The following MYCBP2 variants were observed in gnomAD, a reference collection of about 807,000 sequenced individuals.
MYCBP2 encodes MYC binding protein 2.
A neutral mutation model predicts 525.3 loss-of-function variants in MYCBP2; 120 were observed. That is an observed-to-expected ratio of 0.23 (90% confidence interval 0.20 to 0.27). The LOEUF is 0.27. Ranked by LOEUF, MYCBP2 falls within the 10% of genes least tolerant of loss-of-function variation. MYCBP2 has a pLI of 1.00. For synonymous variants in MYCBP2, 1,894 were observed against 1,955.8 expected (o/e 0.97, Z 0.83); for missense variants, 4,149 against 5,657.1 (o/e 0.73, Z 8.55).
chr13:77,239,941 A>G (rs886405401), intron 17 of MYCBP2, among the ~76,000 whole-genome samples: 4 of 152,226 alleles, frequency 2.6e-5, no homozygotes, highest in Non-Finnish European at 5.9e-5. Flanking sequence ...ATACACTAAT[A>G]TGCTTATTGG....
intron 68 of MYCBP2, among the ~76,000 whole-genome samples, chr13:77,072,975 CT>C (rs1219671039): frequency 6.6e-6 from 1 of 151,990 alleles, no homozygotes; most frequent in Non-Finnish European, 1.5e-5. Flanking sequence ...TTTATTTTTG[CT>C]TTTTAAAAAC....
chr13:77,262,153 C>T lies in MYCBP2; in HGVS notation c.1571-24G>A, dbSNP rs547953192. 2.4e-5 allele frequency: 37 copies of T among 1,573,022 alleles called. No individual in the cohort carries two copies. The Admixed American group carries it at 5.1e-4, about 22-fold the overall frequency. ...ACCTGAAATACGAGACTAATAAATA[C>T]TATTGCATTTCTAATATGAAGAATT... On this transcript the variant is annotated intron_variant, in intron 10 of 82. Coordinates refer to ENST00000544440, the MANE Select transcript of MYCBP2 (RefSeq NM_015057.5).
At chr13:77,234,273 A>G (rs1041461835) in intron 17 of MYCBP2, among the ~76,000 whole-genome samples, 9 of 151,950 alleles carry the variant, frequency 5.9e-5, no homozygotes, top group Non-Finnish European at 1.0e-4. Context: ...TAAATTTGAC[A>G]GGTTACCATT....
intron 26 of MYCBP2, among the ~76,000 whole-genome samples, chr13:77,202,433 A>G (rs936644755): frequency 6.6e-6 from 1 of 152,224 alleles, no homozygotes; most frequent in African/African-American, 2.4e-5. Flanking sequence ...GTCCAGGACC[A>G]GATGGATTCA....
At chr13:77,299,762 T>G (rs1198897458) in intron 1 of MYCBP2, among the ~76,000 whole-genome samples, 2 of 152,204 alleles carry the variant, frequency 1.3e-5, no homozygotes, top group African/African-American at 4.8e-5. Flanking sequence ...TGTCTGGAAT[T>G]GGTCCTGTAA....
intron 76 of MYCBP2, among the ~76,000 whole-genome samples, chr13:77,060,433 T>C (rs1405804370): frequency 6.6e-6 from 1 of 152,234 alleles, no homozygotes; most frequent in Non-Finnish European, 1.5e-5. Flanking sequence ...AAAGTCACCC[T>C]AGAATTAAAT....
rs554479109 is a variant in MYCBP2, at chr13:77,138,517, C to A, written c.7659+679G>T. 3.3e-5 allele frequency among the ~76,000 whole-genome samples: 5 copies of A among 152,238 alleles called. No individual in the cohort carries two copies. In the East Asian group the frequency reaches 5.8e-4, roughly 18 times the overall value. Reference sequence around the variant, plus strand: ...TATTAGCTCTATCCTAAAGAGCACACACATTTGATGGTAATGAAAAAAGGA... The same window carrying A: ...TATTAGCTCTATCCTAAAGAGCACAAACATTTGATGGTAATGAAAAAAGGA... On this transcript the variant is annotated intron_variant, in intron 52 of 82. Transcript: ENST00000544440.
At chr13:77,140,724 G>C in intron 50 of MYCBP2, 122 bp downstream of exon 50, 1 of 748,896 alleles carries the variant, frequency 1.3e-6, no homozygotes, top group Non-Finnish European at 2.3e-6. Context: ...ATTTATTTAG[G>C]GATATTTAGA....
intron 55 of MYCBP2, among the ~76,000 whole-genome samples, chr13:77,113,869 G>A (rs1378436379): frequency 1.3e-5 from 2 of 152,128 alleles, no homozygotes; most frequent in Middle Eastern, 3.2e-3. Context: ...TGGTTGTTGT[G>A]ACAGATGTTA....
intron 9 of MYCBP2, 64 bp downstream of exon 9, chr13:77,263,865 A>T: frequency 6.2e-7 from 1 of 1,607,350 alleles, no homozygotes; most frequent in Non-Finnish European, 8.5e-7. Flanking sequence ...ATCTAATAAA[A>T]GCTAAATAAT....
chr13:77,318,986 A>G (rs2081280574), intron 1 of MYCBP2, among the ~76,000 whole-genome samples: 1 of 152,174 alleles, frequency 6.6e-6, no homozygotes, highest in African/African-American at 2.4e-5. Context: ...CAAAACCGTG[A>G]ACTACCTCAA....
intron 1 of MYCBP2, among the ~76,000 whole-genome samples, chr13:77,306,486 G>C (rs1374946455): frequency 1.3e-5 from 2 of 152,100 alleles, no homozygotes; most frequent in Admixed American, 1.3e-4. Context: ...TCTTCACATG[G>C]GGGGAGGACT....
At chr13:77,257,599 T>C (rs958557261) in intron 14 of MYCBP2, 72 bp downstream of exon 14, 37 of 1,390,944 alleles carry the variant, frequency 2.7e-5, no homozygotes, top group Non-Finnish European at 3.5e-5. Context: ...GAACAAGACT[T>C]TTCACTATGT....
At position 77,248,826 on chromosome 13, in the gene MYCBP2, G is replaced by A. The variant is rs377372455; in HGVS notation, c.2381+2325C>T. ...CTCCTTGTACACTCATCTTCACAGC[G>A]CATTACTCACAATAGTTACAATGTG... is the stretch of plus-strand genomic sequence containing the variant. On this transcript the variant is annotated intron_variant, in intron 15 of 82. Transcript: ENST00000544440. Among the ~76,000 whole-genome samples the A allele has an allele frequency of 9.9e-5, 15 of 152,242 alleles. 1 individual carries two copies. The highest frequency in any genetic ancestry group is 1.9e-4 in the East Asian group (1 of 5,192).
intron 60 of MYCBP2, 100 bp from the exon 61 acceptor site, chr13:77,089,131 T>C: frequency 2.3e-6 from 2 of 866,234 alleles, no homozygotes; most frequent in Non-Finnish European, 3.4e-6. Flanking sequence ...GTCATTGGTT[T>C]TTTGAACATG....
chr13:77,131,517 AACAC>A (rs55921143), intron 52 of MYCBP2, among the ~76,000 whole-genome samples: 106 of 146,584 alleles, frequency 7.2e-4, no homozygotes, highest in Middle Eastern at 3.6e-3. Flanking sequence ...CACACAAACA[AACAC>A]ACACACACAC....
chr13:77,190,439 T>C, intron 28 of MYCBP2, 104 bp from the exon 29 acceptor site: 1 of 691,576 alleles, frequency 1.4e-6, no homozygotes, highest in Admixed American at 2.6e-5. Context: ...AATGATTCAC[T>C]CTTTTACATA....
chr13:77,282,192 C>T (rs2076261740), intron 3 of MYCBP2, among the ~76,000 whole-genome samples: 1 of 152,096 alleles, frequency 6.6e-6, no homozygotes, highest in South Asian at 2.1e-4. Flanking sequence ...TGGGAGATCA[C>T]CTGAGGTCAG....
intron 24 of MYCBP2, 60 bp downstream of exon 24, chr13:77,206,593 A>T (rs1015689231): frequency 2.9e-6 from 4 of 1,402,140 alleles, no homozygotes; most frequent in Non-Finnish European, 3.8e-6. Context: ...ATACTCTAAA[A>T]AAAAACCCTG....
Sources: gnomAD v4.1 joint callset for allele counts (sites outside exome capture counted in the v4.1 genomes callset) on GRCh38, gnomAD v4.1.1 for gene constraint, MANE v1.5 for transcripts, NCBI Gene and HGNC (gene_info 2026-07-23, HGNC 2026-07-21) for gene names.